PSPC1: variants seen among roughly 807,000 people sequenced by gnomAD.
PSPC1 encodes the protein paraspeckle protein 1.
A neutral mutation model predicts 51.6 loss-of-function variants in PSPC1; 14 were observed. The observed-to-expected ratio is 0.27, with a 90% confidence interval of 0.18 to 0.42. PSPC1 has a LOEUF of 0.42. PSPC1 is among the 10% of genes least tolerant of loss of function. The probability of loss-of-function intolerance (pLI) is 1.00; values close to 1 mark genes in which losing one functional copy is unlikely to be tolerated. For synonymous variants in PSPC1, 193 were observed against 231.9 expected, an observed-to-expected ratio of 0.83 and a Z score of 1.53; for missense variants, 406 against 701.1, an observed-to-expected ratio of 0.58 and a Z score of 4.75.
intron 6 of PSPC1, among the ~76,000 whole-genome samples, chr13:19,724,729 G>A (rs1195510531): frequency 6.6e-6 from 1 of 152,138 alleles, no homozygotes; most frequent in Non-Finnish European, 1.5e-5. Flanking sequence ...GCCGGGCGTG[G>A]TGGCTCATAC....
rs548131373 is a variant in PSPC1, at chr13:19,770,904, A to C, written c.674+1338T>G. Among the ~76,000 whole-genome samples the C allele has an allele frequency of 7.6e-4, 116 of 151,940 alleles. 1 individual carries two copies. Among genetic ancestry groups the C allele is most frequent in the African/African-American group, 2.4e-3 (101 of 41,492 alleles). On this transcript the variant is annotated intron_variant, in intron 2 of 8. Transcript: ENST00000338910. ...AGAGTGAGACTCGTCTCCAAAAAAA[A>C]AAACAAACAAAAAAAACACCTCATT...
chr13:19,716,260 T>C (rs1354567974), intron 6 of PSPC1, among the ~76,000 whole-genome samples: 1 of 152,194 alleles, frequency 6.6e-6, no homozygotes, highest in Non-Finnish European at 1.5e-5. Flanking sequence ...TGTATATGTG[T>C]GTGTGTATTA....
intron 4 of PSPC1, among the ~76,000 whole-genome samples, chr13:19,748,285 T>C (rs1886194554): frequency 6.6e-6 from 1 of 151,972 alleles, no homozygotes; most frequent in East Asian, 1.9e-4. Context: ...ACTTTTTAAA[T>C]TTTTAAACAA....
At chr13:19,685,071 T>C (rs1565956699) in intron 6 of PSPC1, among the ~76,000 whole-genome samples, 1 of 152,212 alleles carries the variant, frequency 6.6e-6, no homozygotes, top group Non-Finnish European at 1.5e-5. Context: ...ACCAGGTTAA[T>C]AGGTAACAGA....
At chr13:19,681,740 C>T (rs1032167448) in intron 6 of PSPC1, among the ~76,000 whole-genome samples, 1 of 152,154 alleles carries the variant, frequency 6.6e-6, no homozygotes, top group Non-Finnish European at 1.5e-5. Context: ...ACATAACCAC[C>T]AGAGAAATCT....
chr13:19,750,455 C>CAAAA (rs538757692), intron 4 of PSPC1, among the ~76,000 whole-genome samples: 12 of 61,792 alleles, frequency 1.9e-4, no homozygotes, highest in Non-Finnish European at 5.1e-4. Context: ...AACAAACAAA[C>CAAAA]AAAAATATAT....
downstream of PSPC1, among the ~76,000 whole-genome samples, chr13:19,699,750 TATGAACACAGGAAAAC>T (rs1020857744): frequency 1.3e-5 from 2 of 152,048 alleles, no homozygotes; most frequent in Non-Finnish European, 2.9e-5. Context: ...TAAAAACATC[TATGAACACAGGAAAAC>T]ATGAATAACT....
chr13:19,750,756 C>T (rs1214717075), intron 4 of PSPC1, among the ~76,000 whole-genome samples: 1 of 147,140 alleles, frequency 6.8e-6, no homozygotes, highest in Non-Finnish European at 1.5e-5. Flanking sequence ...CTACTGCTTG[C>T]ATAAGTAAAA....
chr13:19,691,904 C>T (rs759233971), intron 6 of PSPC1, among the ~76,000 whole-genome samples: 3 of 151,944 alleles, frequency 2.0e-5, no homozygotes, highest in Non-Finnish European at 2.9e-5. Flanking sequence ...AGTGACAGAG[C>T]GAGACCCCAT....
In PSPC1 at chr13:19,782,484, C is replaced by T; in HGVS notation, c.274G>A (p.Asp92Asn). The T allele has an allele frequency of 6.2e-7, 1 of 1,613,064 alleles. No homozygotes were observed. The highest frequency in any genetic ancestry group is 1.1e-5 in the South Asian group (1 of 90,892). The change falls in exon 1 of 9, where the codon GAC becomes AAC. Residue 92 changes from aspartate (D) to asparagine (N), a missense_variant. This residue lies in a region of PSPC1 where 180 missense variants were observed against 337.9 expected (regional missense o/e 0.53). Coordinates refer to ENST00000338910, the MANE Select transcript of PSPC1 (RefSeq NM_001354909.2). This position sits in a 1 kb window ranked among gnomAD's most constrained non-coding sequence, Gnocchi z 4.5. ...CTCTTGAAGTCCTCCTCCGTGATGT[C>T]GGTGGGCAGATTTCCCACGAAGAGG... ...CRLFVGNLPT[D>N]ITEEDFKRLF...
At chr13:19,686,418 A>G (rs1305396648) in intron 6 of PSPC1, among the ~76,000 whole-genome samples, 2 of 152,188 alleles carry the variant, frequency 1.3e-5, no homozygotes, top group Non-Finnish European at 2.9e-5. Flanking sequence ...TTAGGAAAAG[A>G]AGGTCTAAAA....
At chr13:19,766,003 A>C (rs1334973018) in intron 2 of PSPC1, among the ~76,000 whole-genome samples, 1 of 152,204 alleles carries the variant, frequency 6.6e-6, no homozygotes, top group African/African-American at 2.4e-5. Context: ...TTCAAATATA[A>C]ATATAAAATA....
At chr13:19,673,835 C>CACCT (rs1876316175), downstream of PSPC1, among the ~76,000 whole-genome samples, 1 of 152,224 alleles carries the variant, frequency 6.6e-6, no homozygotes, top group Non-Finnish European at 1.5e-5. Context: ...TCTCAGGCAG[C>CACCT]ACCTTACCAA....
At chr13:19,752,971 T>C (rs1886712229) in intron 3 of PSPC1, among the ~76,000 whole-genome samples, 1 of 151,530 alleles carries the variant, frequency 6.6e-6, no homozygotes, top group African/African-American at 2.4e-5. Flanking sequence ...TTCACAGGAG[T>C]GTAGTGGCAC....
chr13:19,758,543 G>GT (rs1887311331), intron 3 of PSPC1, among the ~76,000 whole-genome samples: 1 of 151,486 alleles, frequency 6.6e-6, no homozygotes, highest in South Asian at 2.1e-4. Context: ...AACTTAAGAA[G>GT]TATTTCCAGC....
At chr13:19,705,164 C>T (rs1453726409) in intron 8 of PSPC1, among the ~76,000 whole-genome samples, 1 of 152,236 alleles carries the variant, frequency 6.6e-6, no homozygotes, top group Admixed American at 6.5e-5. Context: ...GGTACCACAG[C>T]ATGCCACAGA....
intron 3 of PSPC1, among the ~76,000 whole-genome samples, chr13:19,754,384 C>G (rs1214537172): frequency 6.6e-6 from 1 of 151,448 alleles, no homozygotes; most frequent in Non-Finnish European, 1.5e-5. Context: ...CTGCGCCCAG[C>G]CTTGTGAGCA....
intron 6 of PSPC1, among the ~76,000 whole-genome samples, chr13:19,688,890 G>A (rs1338653386): frequency 6.6e-6 from 1 of 151,154 alleles, no homozygotes; most frequent in African/African-American, 2.4e-5. Context: ...TAGTTTATAT[G>A]GCATCAAAGA....
intron 7 of PSPC1, among the ~76,000 whole-genome samples, chr13:19,708,871 T>C (rs1448562630): frequency 6.6e-6 from 1 of 152,080 alleles, no homozygotes; most frequent in Non-Finnish European, 1.5e-5. Context: ...CAATTTCCAG[T>C]GTTCAATTAG....
Sources: gnomAD v4.1 joint callset for allele counts (sites outside exome capture counted in the v4.1 genomes callset) on GRCh38, gnomAD v4.1.1 for gene constraint, gnomAD v4.1.1 regional missense constraint, Gnocchi (gnomAD v3.1) non-coding constraint, MANE v1.5 for transcripts, NCBI Gene and HGNC (gene_info 2026-07-23, HGNC 2026-07-21) for gene names.